The following ZNF248 variants were observed in gnomAD, a reference collection of about 807,000 sequenced individuals.
ZNF248 encodes the protein KRAB protein domain.
A neutral mutation model predicts 44.3 loss-of-function variants in ZNF248; 20 were observed. The observed-to-expected ratio is 0.45, with a 90% CI of 0.32 to 0.66. ZNF248 has a LOEUF of 0.66. ZNF248 is among the 30% of genes least tolerant of loss of function. The probability of loss-of-function intolerance (pLI) is 0.04; values close to 1 mark genes in which losing one functional copy is unlikely to be tolerated. For synonymous variants in ZNF248, 224 were observed against 229.0 expected (o/e 0.98, Z 0.20); for missense variants, 654 against 677.0 (o/e 0.97, Z 0.38).
At chr10:37,802,468 T>C (rs1443359502) in intron 6 of ZNF248, among the ~76,000 whole-genome samples, 1 of 152,224 alleles carries the variant, frequency 6.6e-6, no homozygotes, top group African/African-American at 2.4e-5. Flanking sequence ...ATGCAATTTT[T>C]CATTAGATCA....
downstream of ZNF248, among the ~76,000 whole-genome samples, chr10:37,773,584 AATTT>A (rs199912894): frequency 2.7e-3 from 417 of 152,236 alleles, 4 homozygotes; most frequent in African/African-American, 9.5e-3. Context: ...AAACAACAGG[AATTT>A]ATTTGTCATG....
chr10:37,839,500 TACACAAACACACAC>T (rs71007671), intron 3 of ZNF248, among the ~76,000 whole-genome samples: 4,162 of 139,288 alleles, frequency 0.03, 140 homozygotes, highest in African/African-American at 0.094. Flanking sequence ...TATACATGTA[TACACAAACACACAC>T]ACACACACAC....
the ZNF248 span, among the ~76,000 whole-genome samples, chr10:37,769,971 C>T: frequency 6.6e-6 from 1 of 152,060 alleles, no homozygotes; most frequent in South Asian, 2.1e-4. Context: ...CATTCTTATA[C>T]ACCAATAACA....
chr10:37,771,909 T>A (rs902150812), downstream of ZNF248, among the ~76,000 whole-genome samples: 1 of 152,198 alleles, frequency 6.6e-6, no homozygotes, highest in Non-Finnish European at 1.5e-5. Context: ...ACAAAGCATG[T>A]AATTGTGTAG....
intron 6 of ZNF248, among the ~76,000 whole-genome samples, chr10:37,804,173 C>G (rs1415366483): frequency 7.2e-6 from 1 of 138,026 alleles, no homozygotes; most frequent in African/African-American, 2.7e-5. Context: ...GGCGTGATCT[C>G]GGCTCACTGT....
intron 6 of ZNF248, among the ~76,000 whole-genome samples, chr10:37,788,974 C>A (rs185933044): frequency 6.6e-6 from 1 of 151,872 alleles, no homozygotes; most frequent in African/African-American, 2.4e-5. Context: ...TGGGTTCAAG[C>A]GATTCTCCCA....
rs770195426 is a variant in ZNF248, at chr10:37,828,866, A to G, written c.*2749T>C. 128 of 985,328 alleles carry G rather than the reference A, an allele frequency of 1.3e-4. No homozygotes were observed. The highest frequency in any genetic ancestry group is 1.5e-4 in the Non-Finnish European group (125 of 829,938). 61.0% of individuals were successfully genotyped at this position (985,328 alleles called of 1,614,324 possible). On this transcript the variant is annotated 3_prime_UTR_variant, in exon 6 of 6. Transcript: ENST00000395867. The stretch of plus-strand genomic sequence containing the variant: ...GGAGGTATGAATAATGTAATTTAAT[A>G]TAATGTCTGCTTCACACATGTTGAA...
At chr10:37,855,881 T>C (rs1241366810) in intron 3 of ZNF248, among the ~76,000 whole-genome samples, 7 of 152,224 alleles carry the variant, frequency 4.6e-5, no homozygotes, top group African/African-American at 1.4e-4. Flanking sequence ...GAAAACTGTT[T>C]TGAGGACATG....
downstream of ZNF248, among the ~76,000 whole-genome samples, chr10:37,824,178 A>T (rs903785975): frequency 6.6e-6 from 1 of 152,176 alleles, no homozygotes; most frequent in East Asian, 1.9e-4. Context: ...TAATGTTTCA[A>T]TTGAGTCTAA....
At chr10:37,843,763 G>A (rs115417479) in intron 3 of ZNF248, among the ~76,000 whole-genome samples, 2,132 of 152,090 alleles carry the variant, frequency 0.014, 54 homozygotes, top group African/African-American at 0.048. Context: ...TAAAATGACC[G>A]AAATTTAAAA....
At chr10:37,776,786 C>T (rs974725419) in intron 6 of ZNF248, among the ~76,000 whole-genome samples, 5 of 152,218 alleles carry the variant, frequency 3.3e-5, no homozygotes, top group Non-Finnish European at 7.4e-5. Context: ...AGCCGCCCCC[C>T]ACCCACTTCA....
chr10:37,827,032 G>A (rs957136235), downstream of ZNF248, among the ~76,000 whole-genome samples: 1 of 152,200 alleles, frequency 6.6e-6, no homozygotes, highest in African/African-American at 2.4e-5. Flanking sequence ...TGCCAAAGAA[G>A]ACTTATTCTC....
intron 6 of ZNF248, chr10:37,819,262 G>A (rs1476034030): frequency 4.5e-6 from 4 of 894,238 alleles, no homozygotes; most frequent in Non-Finnish European, 5.7e-6. Context: ...TCAGATAGAA[G>A]TTTAGATCAT....
At chr10:37,799,973 T>A (rs2049601480) in intron 6 of ZNF248, among the ~76,000 whole-genome samples, 1 of 151,936 alleles carries the variant, frequency 6.6e-6, no homozygotes, top group South Asian at 2.1e-4. Flanking sequence ...TTTGGGAGGC[T>A]GAGGTAGGAG....
chr10:37,833,877 T>C (rs776723230), intron 5 of ZNF248, among the ~76,000 whole-genome samples: 2 of 151,804 alleles, frequency 1.3e-5, no homozygotes, highest in African/African-American at 4.8e-5. Flanking sequence ...TTCAAGGGAG[T>C]TGTTTTTTTA....
At chr10:37,780,728 C>G (rs986613833) in intron 6 of ZNF248, among the ~76,000 whole-genome samples, 45 of 152,166 alleles carry the variant, frequency 3.0e-4, no homozygotes, top group African/African-American at 9.4e-4. Context: ...CCCAAACTTG[C>G]GATCCCCGGC....
chr10:37,789,877 A>AG (rs2048298845), intron 6 of ZNF248, among the ~76,000 whole-genome samples: 1 of 152,212 alleles, frequency 6.6e-6, no homozygotes, highest in Non-Finnish European at 1.5e-5. Flanking sequence ...TAGTTTACTA[A>AG]GAACACCTGA....
At chr10:37,775,160 A>C (rs1040194868), downstream of ZNF248, among the ~76,000 whole-genome samples, 8 of 152,204 alleles carry the variant, frequency 5.3e-5, no homozygotes, top group African/African-American at 1.9e-4. Flanking sequence ...AATTACAGTT[A>C]TACAACACAA....
At chr10:37,855,100 C>G (rs754984631) in intron 3 of ZNF248, among the ~76,000 whole-genome samples, 1 of 152,260 alleles carries the variant, frequency 6.6e-6, no homozygotes, top group East Asian at 1.9e-4. Context: ...AATATACATA[C>G]ATATTTTCTT....
Sources: allele counts gnomAD v4.1 joint callset (sites outside exome capture counted in the v4.1 genomes callset), GRCh38; gene constraint gnomAD v4.1.1; transcripts MANE v1.5; gene names NCBI Gene and HGNC (gene_info 2026-07-23, HGNC 2026-07-21).